Variants in ADAMTS16 observed in about 807,000 individuals in gnomAD.
ADAMTS16 encodes A disintegrin and metalloproteinase with thrombospondin motifs 16.
ADAMTS16 carries 94 observed loss-of-function variants against 145.8 expected under a neutral mutation model. The observed-to-expected ratio is 0.64, with a 90% CI of 0.55 to 0.77. The LOEUF (loss-of-function observed/expected upper bound fraction) is 0.77, where lower values mean the gene tolerates loss of function less well. ADAMTS16 is among the 30% of genes least tolerant of loss of function. The probability of loss-of-function intolerance (pLI) is 0.00; values close to 1 mark genes in which losing one functional copy is unlikely to be tolerated. For synonymous variants in ADAMTS16, 659 were observed against 604.3 expected (o/e 1.09, Z -1.33); for missense variants, 1,585 against 1,591.5 (o/e 1.00, Z 0.07).
chr5:5,154,163 G>T (rs571592309), intron 3 of ADAMTS16, among the ~76,000 whole-genome samples: 125 of 152,316 alleles, frequency 8.2e-4, no homozygotes, highest in African/African-American at 2.8e-3. Context: ...CCACATGGGG[G>T]TATGATCAGA....
rs1681053316 is a variant in ADAMTS16, at chr5:5,320,070, G to C, written c.*932G>C. The C allele has an allele frequency of 3.0e-6, 1 of 331,700 alleles. No individual in the cohort carries two copies. The allele number at this position is 331,700 out of a possible 1,614,324, so 20.5% of individuals were successfully genotyped here. On this transcript the variant is annotated 3_prime_UTR_variant, in exon 23 of 23. Transcript: ENST00000274181. The surrounding 1 kb of genome is among the most constrained non-coding windows in gnomAD (Gnocchi z 5.1). ...AGAGTCCTGTGTTTTGTTTTTGTGT[G>C]TTGTGAGATTTTAATCTTTTTTTTT...
intron 3 of ADAMTS16, among the ~76,000 whole-genome samples, chr5:5,167,843 G>A (rs1470559718): frequency 1.3e-5 from 2 of 152,168 alleles, no homozygotes; most frequent in South Asian, 2.1e-4. Flanking sequence ...AGGCCTAAAC[G>A]TTAAATTTTA....
At chr5:5,306,473 T>C (rs758584019) in intron 20 of ADAMTS16, 31 bp from the exon 21 acceptor site, 1 of 1,577,404 alleles carries the variant, frequency 6.3e-7, no homozygotes, top group East Asian at 2.3e-5. Context: ...GAGATTTTTT[T>C]CACTGACTTC....
intron 10 of ADAMTS16, among the ~76,000 whole-genome samples, chr5:5,210,428 C>T (rs368234669): frequency 6.6e-6 from 1 of 152,238 alleles, no homozygotes; most frequent in African/African-American, 2.4e-5. Context: ...GAGAGAAACA[C>T]ATTCATTTTA....
intron 8 of ADAMTS16, among the ~76,000 whole-genome samples, chr5:5,192,627 C>T (rs950767320): frequency 7.9e-5 from 12 of 152,070 alleles, no homozygotes; most frequent in African/African-American, 2.9e-4. Flanking sequence ...TTCAGGGAGC[C>T]CCACGAGCCT....
chr5:5,307,292 A>G (rs1740216677), intron 21 of ADAMTS16, among the ~76,000 whole-genome samples: 1 of 152,138 alleles, frequency 6.6e-6, no homozygotes. Context: ...CCGAAGGCTG[A>G]CACTCGGTTC....
At chr5:5,225,520 T>G (rs1490676141) in intron 11 of ADAMTS16, among the ~76,000 whole-genome samples, 2 of 151,944 alleles carry the variant, frequency 1.3e-5, no homozygotes, top group Non-Finnish European at 2.9e-5. Flanking sequence ...GGAGAATAAC[T>G]TGAACCCGGA....
At chr5:5,227,716 C>T (rs1579325076) in intron 11 of ADAMTS16, among the ~76,000 whole-genome samples, 1 of 152,186 alleles carries the variant, frequency 6.6e-6, no homozygotes, top group Non-Finnish European at 1.5e-5. Context: ...TACTTTTGCA[C>T]TGTCTTAATA....
At position 5,318,897 on chromosome 5, in the gene ADAMTS16, G is replaced by C. The variant is rs1004686176; in HGVS notation, c.3560-126G>C. 6 of 679,212 alleles carry C rather than the reference G, an allele frequency of 8.8e-6. No individual in the cohort carries two copies. The Admixed American group carries it at 1.4e-4, about 15-fold the overall frequency. The allele number at this position is 679,212 out of a possible 1,614,324, so 42.1% of individuals were successfully genotyped here. A position where few individuals can be genotyped will look rare whatever the true frequency, so the allele number is the denominator to read the frequency against. On this transcript the variant is annotated intron_variant, in intron 22 of 22. Coordinates refer to ENST00000274181, the MANE Select transcript of ADAMTS16 (RefSeq NM_139056.4). ...CACGGGACCCCCATCAGACCTGGGG[G>C]CTGCCTCTCTGCAGCAGCCGCAGAG...
chr5:5,178,782 G>T (rs1352033027), intron 3 of ADAMTS16, among the ~76,000 whole-genome samples: 1 of 152,144 alleles, frequency 6.6e-6, no homozygotes, highest in African/African-American at 2.4e-5. Context: ...TGAGCCTGGG[G>T]GAAAGGAGAG....
At chr5:5,305,285 TC>T (rs1321772912) in intron 20 of ADAMTS16, among the ~76,000 whole-genome samples, 3 of 25,980 alleles carry the variant, frequency 1.2e-4, no homozygotes, top group African/African-American at 1.7e-4. Flanking sequence ...CACACACACA[TC>T]CCACACCACA....
chr5:5,153,552 A>C (rs939831891), intron 3 of ADAMTS16, among the ~76,000 whole-genome samples: 7 of 152,182 alleles, frequency 4.6e-5, no homozygotes, highest in Non-Finnish European at 7.4e-5. Flanking sequence ...AAACACTGTA[A>C]ATTTTCTTTT....
chr5:5,150,598 C>T (rs1212731354), intron 3 of ADAMTS16, among the ~76,000 whole-genome samples: 2 of 152,228 alleles, frequency 1.3e-5, no homozygotes, highest in African/African-American at 2.4e-5. Flanking sequence ...TTCTACACTT[C>T]AGTCATCACG....
At chr5:5,222,090 AAAC>A (rs1290578364) in intron 10 of ADAMTS16, among the ~76,000 whole-genome samples, 21 of 152,330 alleles carry the variant, frequency 1.4e-4, no homozygotes, top group African/African-American at 5.1e-4. Context: ...GACTCAGTAA[AAAC>A]AATTCCTTGC....
At chr5:5,142,796 C>T (rs1323890670) in intron 2 of ADAMTS16, among the ~76,000 whole-genome samples, 1 of 152,136 alleles carries the variant, frequency 6.6e-6, no homozygotes, top group Admixed American at 6.5e-5. Context: ...ACCTACCTGA[C>T]TTCAAACTAT....
chr5:5,276,403 A>T (rs552563942), intron 18 of ADAMTS16, among the ~76,000 whole-genome samples: 1 of 152,346 alleles, frequency 6.6e-6, no homozygotes, highest in East Asian at 1.9e-4. Flanking sequence ...TTTAAAATAG[A>T]TAAGACAGAC....
At chr5:5,150,429 C>A (rs940215404) in intron 3 of ADAMTS16, among the ~76,000 whole-genome samples, 1 of 152,180 alleles carries the variant, frequency 6.6e-6, no homozygotes, top group African/African-American at 2.4e-5. Context: ...GGAATCATCA[C>A]GGGCCGGTGC....
At chr5:5,154,275 T>C (rs1463224218) in intron 3 of ADAMTS16, among the ~76,000 whole-genome samples, 1 of 151,892 alleles carries the variant, frequency 6.6e-6, no homozygotes, top group Non-Finnish European at 1.5e-5. Flanking sequence ...GTGAGACAGC[T>C]ATTAGGTTTT....
At chr5:5,225,024 C>CG (rs796834382) in intron 11 of ADAMTS16, among the ~76,000 whole-genome samples, 2,609 of 146,584 alleles carry the variant, frequency 0.018, 68 homozygotes, top group African/African-American at 0.057. Flanking sequence ...TCCTTTGTAC[C>CG]AAAAAAAAAC....
Sources: allele counts gnomAD v4.1 joint callset (sites outside exome capture counted in the v4.1 genomes callset), GRCh38; gene constraint gnomAD v4.1.1; non-coding constraint Gnocchi (gnomAD v3.1); transcripts MANE v1.5; gene names NCBI Gene and HGNC (gene_info 2026-07-23, HGNC 2026-07-21).